Variants in DLC1 observed in about 807,000 individuals in gnomAD.
The protein encoded by DLC1 is DLC1 Rho GTPase activating protein, also known as rho GTPase-activating protein 7.
DLC1 carries 54 observed loss-of-function variants against 140.3 expected under a neutral mutation model. That is an observed-to-expected ratio of 0.38 (90% confidence interval 0.31 to 0.48). The LOEUF is 0.48. Ranked by LOEUF, DLC1 falls within the 20% of genes least tolerant of loss-of-function variation. The pLI is 0.96. For missense variants in DLC1, 2,536 were observed against 1,907.0 expected (o/e 1.33, Z -6.14); for synonymous variants, 986 against 728.1 (o/e 1.35, Z -5.70).
chr8:13,516,487 T>C (rs1293244754), upstream of DLC1, among the ~76,000 whole-genome samples: 1 of 152,152 alleles, frequency 6.6e-6, no homozygotes, highest in African/African-American at 2.4e-5. Context: ...TTTTTTTCCT[T>C]ATTAGGTAGC....
intron 5 of DLC1, among the ~76,000 whole-genome samples, chr8:13,131,944 G>A (rs1017482947): frequency 2.0e-5 from 3 of 152,196 alleles, no homozygotes; most frequent in Non-Finnish European, 4.4e-5. Flanking sequence ...CTGCAGAGAG[G>A]AGGGGTGCAC....
intron 5 of DLC1, among the ~76,000 whole-genome samples, chr8:13,188,836 TATATATA>T (rs1563149820): frequency 1.0e-4 from 3 of 29,830 alleles, no homozygotes; most frequent in African/African-American, 3.0e-4. Flanking sequence ...TGTATATATA[TATATATA>T]TTTTTTTTTT....
At chr8:13,397,991 C>T (rs1362408568) in intron 3 of DLC1, among the ~76,000 whole-genome samples, 4 of 151,436 alleles carry the variant, frequency 2.6e-5, no homozygotes, top group Non-Finnish European at 4.4e-5. Flanking sequence ...ATTAGCTGGG[C>T]ATGGTGGTGC....
At chr8:13,464,865 A>T (rs1423111130) in intron 2 of DLC1, among the ~76,000 whole-genome samples, 1 of 149,552 alleles carries the variant, frequency 6.7e-6, no homozygotes, top group African/African-American at 2.4e-5. Context: ...AACTCACCCC[A>T]TTACTGCCAG....
At chr8:13,225,075 A>C (rs529777918) in intron 5 of DLC1, among the ~76,000 whole-genome samples, 1 of 152,292 alleles carries the variant, frequency 6.6e-6, no homozygotes, top group South Asian at 2.1e-4. Context: ...CTTAATTTCA[A>C]CTCATTAGAG....
chr8:13,213,536 A>G (rs1387360185), intron 5 of DLC1, among the ~76,000 whole-genome samples: 2 of 152,224 alleles, frequency 1.3e-5, no homozygotes, highest in Admixed American at 6.5e-5. Context: ...TACTTTAAAA[A>G]ACACTAATGA....
chr8:13,139,919 C>T (rs549372259), intron 5 of DLC1, among the ~76,000 whole-genome samples: 1 of 152,284 alleles, frequency 6.6e-6, no homozygotes, highest in Admixed American at 6.5e-5. Context: ...TAAAATTTAC[C>T]ATTTTAACCA....
intron 5 of DLC1, among the ~76,000 whole-genome samples, chr8:13,185,574 T>G (rs1179576680): frequency 6.6e-6 from 1 of 152,148 alleles, no homozygotes; most frequent in Non-Finnish European, 1.5e-5. Flanking sequence ...CCCAAAGTGC[T>G]GGGGTTACAG....
At chr8:13,574,408 C>A (rs555521692) in intron 1 of DLC1, among the ~76,000 whole-genome samples, 1 of 151,874 alleles carries the variant, frequency 6.6e-6, no homozygotes, top group South Asian at 2.1e-4. Flanking sequence ...TGTTTTTTGC[C>A]CTTGAATATA....
intron 5 of DLC1, among the ~76,000 whole-genome samples, chr8:13,246,533 C>A (rs1406226777): frequency 6.6e-6 from 1 of 151,900 alleles, no homozygotes; most frequent in African/African-American, 2.4e-5. Flanking sequence ...TATGTGTGAT[C>A]ATCTGAAATA....
At chr8:13,415,719 ATTAT>A (rs1838024898) in intron 2 of DLC1, among the ~76,000 whole-genome samples, 1 of 152,178 alleles carries the variant, frequency 6.6e-6, no homozygotes, top group African/African-American at 2.4e-5. Flanking sequence ...TTATCTTATT[ATTAT>A]TTCTTTTTTA....
chr8:13,178,539 C>T (rs1220336763), intron 5 of DLC1, among the ~76,000 whole-genome samples: 1 of 147,718 alleles, frequency 6.8e-6, no homozygotes, highest in African/African-American at 2.5e-5. Flanking sequence ...ACCACTGGGA[C>T]TCCAGCCTGG....
chr8:13,323,185 T>C (rs1346866260), intron 4 of DLC1, among the ~76,000 whole-genome samples: 1 of 152,208 alleles, frequency 6.6e-6, no homozygotes, highest in Non-Finnish European at 1.5e-5. Context: ...TTCATGATGG[T>C]TTCAAGTTGC....
chr8:13,506,053 ATG>A (rs201518774), intron 1 of DLC1, among the ~76,000 whole-genome samples: 1 of 144,076 alleles, frequency 6.9e-6, no homozygotes, highest in Non-Finnish European at 1.6e-5. Flanking sequence ...TGATACATAT[ATG>A]TGTGTGTGTA....
Position 13,600,376 on chromosome 8 carries a change from C to T in DLC1, c.-126+4161G>A, listed in dbSNP as rs563464224. 3.3e-5 allele frequency among the ~76,000 whole-genome samples: 5 copies of T among 151,850 alleles called. 1 individual carries two copies. The highest frequency in any genetic ancestry group is 7.2e-5 in the African/African-American group (3 of 41,490). ...AAGTAATTAAAATTTCTCAGTAAGG[C>T]TGTTATTTTAGTTATTTTCATTAAA... On this transcript the variant is annotated intron_variant, in intron 1 of 1. Coordinates refer to the DLC1 transcript ENST00000631382.
chr8:13,317,574 A>G (rs1832908667), intron 4 of DLC1, among the ~76,000 whole-genome samples: 1 of 152,064 alleles, frequency 6.6e-6, no homozygotes, highest in Non-Finnish European at 1.5e-5. Context: ...TATGGTCAGT[A>G]TTTTTTTGAC....
chr8:13,231,485 G>A (rs562731368), intron 5 of DLC1, among the ~76,000 whole-genome samples: 8 of 152,252 alleles, frequency 5.3e-5, no homozygotes, highest in Admixed American at 1.3e-4. Flanking sequence ...AAAATGATTC[G>A]AATCAGTTAT....
At chr8:13,575,272 A>T (rs538524684) in intron 1 of DLC1, among the ~76,000 whole-genome samples, 3 of 152,258 alleles carry the variant, frequency 2.0e-5, no homozygotes, top group African/African-American at 7.2e-5. Context: ...TTTGCTCTGG[A>T]TGTCAGGACT....
intron 2 of DLC1, among the ~76,000 whole-genome samples, chr8:13,441,559 C>A (rs1798511144): frequency 6.6e-6 from 1 of 152,026 alleles, no homozygotes; most frequent in Non-Finnish European, 1.5e-5. Flanking sequence ...TTCTTATACA[C>A]CAATAACAGA....
Sources: allele counts gnomAD v4.1 joint callset (sites outside exome capture counted in the v4.1 genomes callset), GRCh38; gene constraint gnomAD v4.1.1; transcripts MANE v1.5; gene names NCBI Gene and HGNC (gene_info 2026-07-23, HGNC 2026-07-21).